PPP2R2B: variants seen among roughly 807,000 people sequenced by gnomAD.
PPP2R2B encodes the protein serine/threonine-protein phosphatase 2A 55 kDa regulatory subunit B beta isoform.
Under a neutral mutation model 46.0 loss-of-function variants are expected in PPP2R2B, and 5 were observed. The observed-to-expected ratio is 0.11, with a 90% CI of 0.06 to 0.23. The LOEUF (loss-of-function observed/expected upper bound fraction) is 0.23, where lower values mean the gene tolerates loss of function less well. Among genes scored for constraint, PPP2R2B ranks in the 10% least tolerant of loss-of-function variants. The probability of loss-of-function intolerance (pLI) is 1.00; values close to 1 mark genes in which losing one functional copy is unlikely to be tolerated. For synonymous variants in PPP2R2B, 215 were observed against 206.7 expected, an observed-to-expected ratio of 1.04 and a Z score of -0.34; for missense variants, 367 against 575.0, an observed-to-expected ratio of 0.64 and a Z score of 3.70.
chr5:146,964,266 C>A (rs1752307498), intron 1 of PPP2R2B, among the ~76,000 whole-genome samples: 1 of 152,094 alleles, frequency 6.6e-6, no homozygotes, highest in Non-Finnish European at 1.5e-5. Flanking sequence ...GTTCATAGAT[C>A]TGACAGTCAA....
intron 1 of PPP2R2B, among the ~76,000 whole-genome samples, chr5:147,007,820 A>T (rs1754516819): frequency 6.6e-6 from 1 of 152,110 alleles, no homozygotes; most frequent in Admixed American, 6.6e-5. Flanking sequence ...ATGAACCCAC[A>T]ACTGGACACA....
At chr5:146,713,102 C>A (rs1209767110) in intron 2 of PPP2R2B, among the ~76,000 whole-genome samples, 1 of 152,186 alleles carries the variant, frequency 6.6e-6, no homozygotes, top group African/African-American at 2.4e-5. Flanking sequence ...ACAGGACTGG[C>A]ATTTTCAGGG....
chr5:146,754,982 G>A (rs1753755811), intron 2 of PPP2R2B, among the ~76,000 whole-genome samples: 1 of 152,200 alleles, frequency 6.6e-6, no homozygotes, highest in Non-Finnish European at 1.5e-5. Flanking sequence ...GAAAGTGTGA[G>A]AGATAGTAAA....
chr5:147,033,054 A>G (rs529777915), intron 1 of PPP2R2B, among the ~76,000 whole-genome samples: 8 of 152,286 alleles, frequency 5.3e-5, no homozygotes, highest in African/African-American at 1.9e-4. Flanking sequence ...TTTGAAAATT[A>G]TGAGACCATG....
chr5:146,658,270 C>T (rs983730152), intron 5 of PPP2R2B, among the ~76,000 whole-genome samples: 1 of 152,168 alleles, frequency 6.6e-6, no homozygotes, highest in African/African-American at 2.4e-5. Flanking sequence ...GTTATCCCAT[C>T]TTGAGGCACT....
intron 2 of PPP2R2B, among the ~76,000 whole-genome samples, chr5:146,866,614 A>ACACG (rs1359570365): frequency 2.7e-5 from 4 of 148,912 alleles, no homozygotes; most frequent in Non-Finnish European, 6.0e-5. Context: ...ATATATACAC[A>ACACG]CACGCAGATA....
chr5:146,687,899 G>T (rs1778609958), intron 5 of PPP2R2B, among the ~76,000 whole-genome samples: 1 of 152,166 alleles, frequency 6.6e-6, no homozygotes, highest in South Asian at 2.1e-4. Flanking sequence ...CTATGAAAGT[G>T]AGCAAGAAGT....
intron 2 of PPP2R2B, among the ~76,000 whole-genome samples, chr5:146,705,071 T>C (rs904991433): frequency 6.6e-6 from 1 of 152,192 alleles, no homozygotes; most frequent in Non-Finnish European, 1.5e-5. Flanking sequence ...AGATGGAATA[T>C]CTTACTGACC....
upstream of PPP2R2B, chr5:147,056,030 A>C: frequency 8.1e-7 from 1 of 1,232,282 alleles, no homozygotes; most frequent in Non-Finnish European, 1.0e-6. Flanking sequence ...GGATTTGCTG[A>C]GTAAGTCAGT....
At chr5:147,069,225 T>TG in intron 2 of PPP2R2B, among the ~76,000 whole-genome samples, 1 of 152,072 alleles carries the variant, frequency 6.6e-6, no homozygotes, top group East Asian at 1.9e-4. Flanking sequence ...ACAGACAGCA[T>TG]TTTACTATGA....
intron 5 of PPP2R2B, among the ~76,000 whole-genome samples, chr5:146,664,889 T>G (rs139312332): frequency 2.6e-5 from 4 of 152,164 alleles, no homozygotes; most frequent in African/African-American, 9.7e-5. Context: ...CCATCAGAGC[T>G]CTTGGGTGAC....
intron 1 of PPP2R2B, among the ~76,000 whole-genome samples, chr5:146,965,864 T>C (rs1752377328): frequency 6.6e-6 from 1 of 152,210 alleles, no homozygotes; most frequent in Non-Finnish European, 1.5e-5. Context: ...ACTTACCAGC[T>C]GTGCATCCAG....
At chr5:146,790,368 G>A (rs937481724) in intron 2 of PPP2R2B, among the ~76,000 whole-genome samples, 6 of 152,272 alleles carry the variant, frequency 3.9e-5, no homozygotes, top group Admixed American at 2.0e-4. Context: ...TTGCTCTTGG[G>A]ACCTTAAGTG....
At chr5:146,846,021 C>T (rs1320322486) in intron 2 of PPP2R2B, among the ~76,000 whole-genome samples, 1 of 152,112 alleles carries the variant, frequency 6.6e-6, no homozygotes, top group Non-Finnish European at 1.5e-5. Context: ...TGTAACATCT[C>T]ATAATTGTCA....
At chr5:146,643,722 T>G (rs999025933) in intron 6 of PPP2R2B, among the ~76,000 whole-genome samples, 8 of 152,220 alleles carry the variant, frequency 5.3e-5, no homozygotes, top group African/African-American at 1.9e-4. Context: ...ATACCACCTG[T>G]TCCTTAAAAC....
At chr5:146,692,733 A>C (rs985904951) in intron 4 of PPP2R2B, among the ~76,000 whole-genome samples, 10 of 151,628 alleles carry the variant, frequency 6.6e-5, no homozygotes, top group Admixed American at 6.6e-4. Flanking sequence ...ACGGGGTTTC[A>C]CCGTGTTAGC....
chr5:146,795,628 TAAGAG>T (rs374264020), intron 2 of PPP2R2B, among the ~76,000 whole-genome samples: 118 of 152,274 alleles, frequency 7.7e-4, no homozygotes, highest in African/African-American at 2.7e-3. Context: ...TGAAATTTGC[TAAGAG>T]TAGATGTTAT....
chr5:146,883,778 A>G (rs1406600646), intron 1 of PPP2R2B, among the ~76,000 whole-genome samples: 1 of 152,218 alleles, frequency 6.6e-6, no homozygotes, highest in African/African-American at 2.4e-5. Flanking sequence ...TGATCCTTTA[A>G]CGTGGCATTT....
At chr5:146,981,739 TCTCACTTAAACCCC>T (rs1379367034) in intron 1 of PPP2R2B, among the ~76,000 whole-genome samples, 1 of 152,208 alleles carries the variant, frequency 6.6e-6, no homozygotes, top group East Asian at 1.9e-4. Flanking sequence ...TCTACTTTCC[TCTCACTTAAACCCC>T]CTCCTTAAGC....
Sources: gnomAD v4.1 joint callset for allele counts (sites outside exome capture counted in the v4.1 genomes callset) on GRCh38, gnomAD v4.1.1 for gene constraint, MANE v1.5 for transcripts, NCBI Gene and HGNC (gene_info 2026-07-23, HGNC 2026-07-21) for gene names.